MSH3: variants seen among roughly 807,000 people sequenced by gnomAD.
The protein encoded by MSH3 is DNA mismatch repair protein Msh3.
MSH3 carries 106 observed loss-of-function variants against 123.3 expected under a neutral mutation model. The ratio of observed to expected loss-of-function variants is 0.86; its 90% CI spans 0.73 to 1.01. MSH3 has a LOEUF of 1.01. MSH3 is among the 50% of genes least tolerant of loss of function. The pLI, the probability that MSH3 is intolerant of heterozygous loss-of-function variation, is 0.00. For synonymous variants in MSH3, 515 were observed against 481.4 expected, an observed-to-expected ratio of 1.07 and a Z score of -0.91; for missense variants, 1,459 against 1,347.6, an observed-to-expected ratio of 1.08 and a Z score of -1.29.
intron 10 of MSH3, among the ~76,000 whole-genome samples, chr5:80,740,249 A>G (rs889408850): frequency 1.5e-4 from 23 of 152,216 alleles, no homozygotes; most frequent in Non-Finnish European, 2.9e-5. Context: ...TGTTTTGGAT[A>G]GATACTGAGA....
At chr5:80,786,018 A>G (rs6151836) in intron 17 of MSH3, among the ~76,000 whole-genome samples, 1,861 of 151,638 alleles carry the variant, frequency 0.012, 20 homozygotes, top group South Asian at 0.045. Flanking sequence ...GGGAGGGATA[A>G]CATTGGGAGA....
intron 9 of MSH3, among the ~76,000 whole-genome samples, chr5:80,726,134 T>G (rs1451256764): frequency 6.6e-6 from 1 of 152,210 alleles, no homozygotes; most frequent in Admixed American, 6.5e-5. Flanking sequence ...AATTCACATG[T>G]CCACAATCAG....
chr5:80,864,309 A>G (rs1038918895), intron 21 of MSH3, among the ~76,000 whole-genome samples: 3 of 152,200 alleles, frequency 2.0e-5, no homozygotes, highest in Admixed American at 1.3e-4. Context: ...GCAAAACAGC[A>G]TAAGTGCCCC....
intron 10 of MSH3, among the ~76,000 whole-genome samples, chr5:80,737,361 T>C (rs1256947997): frequency 6.6e-6 from 1 of 152,192 alleles, no homozygotes; most frequent in African/African-American, 2.4e-5. Context: ...TAGAGTAATA[T>C]GGAGTTGATT....
chr5:80,802,296 G>A (rs114048588), intron 19 of MSH3, among the ~76,000 whole-genome samples: 4,002 of 151,476 alleles, frequency 0.026, 162 homozygotes, highest in African/African-American at 0.09. Context: ...AACTTTTAAT[G>A]GCTTCATGGT....
chr5:80,836,109 G>A (rs1745503918), intron 20 of MSH3, among the ~76,000 whole-genome samples: 1 of 152,018 alleles, frequency 6.6e-6, no homozygotes, highest in East Asian at 1.9e-4. Flanking sequence ...AATAAACTCA[G>A]CAATACTGTA....
chr5:80,763,645 A>G (rs915879691), intron 13 of MSH3, among the ~76,000 whole-genome samples: 11 of 152,188 alleles, frequency 7.2e-5, no homozygotes, highest in African/African-American at 2.4e-4. Context: ...TGAAAACAGA[A>G]GCAAAGCTGA....
intron 6 of MSH3, among the ~76,000 whole-genome samples, chr5:80,673,110 A>G (rs1749759510): frequency 6.6e-6 from 1 of 152,220 alleles, no homozygotes; most frequent in Non-Finnish European, 1.5e-5. Context: ...AGCAACCCTA[A>G]TAAAAGACGA....
At chr5:80,665,557 A>AT (rs1211405220) in intron 3 of MSH3, among the ~76,000 whole-genome samples, 194 bp downstream of exon 3, 3 of 152,108 alleles carry the variant, frequency 2.0e-5, no homozygotes, top group African/African-American at 7.2e-5. Context: ...TTTGGGAGGG[A>AT]TTAATTGGTT....
At chr5:80,818,298 T>A (rs1745140472) in intron 20 of MSH3, among the ~76,000 whole-genome samples, 1 of 149,834 alleles carries the variant, frequency 6.7e-6, no homozygotes, top group Admixed American at 6.7e-5. Context: ...TAGAGGAACA[T>A]GTTAAACACC....
chr5:80,710,201 A>G (rs1750831699), intron 8 of MSH3, among the ~76,000 whole-genome samples: 1 of 152,192 alleles, frequency 6.6e-6, no homozygotes, highest in Non-Finnish European at 1.5e-5. Flanking sequence ...GGTTTTATAG[A>G]TGAGGAGACT....
intron 13 of MSH3, among the ~76,000 whole-genome samples, chr5:80,765,378 G>A (rs1200534381): frequency 6.6e-6 from 1 of 152,152 alleles, no homozygotes; most frequent in Non-Finnish European, 1.5e-5. Context: ...AAACAGTCCA[G>A]CTTCCTGTAT....
At chr5:80,863,602 C>T (rs926256728) in intron 21 of MSH3, among the ~76,000 whole-genome samples, 2 of 150,272 alleles carry the variant, frequency 1.3e-5, no homozygotes, top group South Asian at 2.1e-4. Flanking sequence ...ACCCGGGAGG[C>T]GGAGCTTGCA....
chr5:80,673,160 G>A (rs762645844), intron 6 of MSH3, among the ~76,000 whole-genome samples: 12 of 152,170 alleles, frequency 7.9e-5, no homozygotes, highest in Non-Finnish European at 1.0e-4. Context: ...ATCTTCCTTA[G>A]CCCATTTGTG....
intron 19 of MSH3, among the ~76,000 whole-genome samples, chr5:80,800,064 T>C (rs1321805347): frequency 6.6e-6 from 1 of 152,210 alleles, no homozygotes; most frequent in Non-Finnish European, 1.5e-5. Context: ...GTTTAGATAC[T>C]GGATAAACAA....
intron 20 of MSH3, among the ~76,000 whole-genome samples, chr5:80,815,690 A>T (rs969308011): frequency 4.6e-5 from 7 of 152,064 alleles, no homozygotes; most frequent in South Asian, 2.1e-4. Context: ...TTTTTAAAAA[A>T]TTTTTTTAGG....
intron 20 of MSH3, among the ~76,000 whole-genome samples, chr5:80,817,491 A>G (rs1316631984): frequency 1.3e-5 from 2 of 152,088 alleles, no homozygotes; most frequent in Non-Finnish European, 2.9e-5. Context: ...TTTGTTTTTA[A>G]ATGGTAGACT....
At chr5:80,800,348 A>G (rs945305113) in intron 19 of MSH3, among the ~76,000 whole-genome samples, 1 of 152,220 alleles carries the variant, frequency 6.6e-6, no homozygotes, top group African/African-American at 2.4e-5. Flanking sequence ...TGTCTAGGCC[A>G]GTCTGGTATT....
chr5:80,695,087 G>GTTTTTTTTTTTT (rs57947652), intron 8 of MSH3, among the ~76,000 whole-genome samples: 11 of 115,294 alleles, frequency 9.5e-5, no homozygotes, highest in African/African-American at 1.3e-4. Flanking sequence ...TTTTTTTGTT[G>GTTTTTTTTTTTT]TTTTTTTTTT....
Sources: gnomAD v4.1 joint callset for allele counts (sites outside exome capture counted in the v4.1 genomes callset) on GRCh38, gnomAD v4.1.1 for gene constraint, MANE v1.5 for transcripts, NCBI Gene and HGNC (gene_info 2026-07-23, HGNC 2026-07-21) for gene names.